Variants in GLG1 observed in about 807,000 individuals in gnomAD.
GLG1 encodes golgi glycoprotein 1.
In GLG1, 38 loss-of-function variants were observed where a neutral mutation model predicts 160.5. The observed-to-expected ratio is 0.24, with a 90% CI of 0.18 to 0.31. The LOEUF (loss-of-function observed/expected upper bound fraction) is 0.31, where lower values mean the gene tolerates loss of function less well. Among genes scored for constraint, GLG1 ranks in the 10% least tolerant of loss-of-function variants. GLG1 has a pLI of 1.00. For synonymous variants in GLG1, 644 were observed against 543.4 expected, an observed-to-expected ratio of 1.19 and a Z score of -2.57; for missense variants, 1,373 against 1,505.2, an observed-to-expected ratio of 0.91 and a Z score of 1.45.
At chr16:74,534,318 C>T (rs2017627158) in intron 1 of GLG1, among the ~76,000 whole-genome samples, 1 of 152,124 alleles carries the variant, frequency 6.6e-6, no homozygotes, top group South Asian at 2.1e-4. Context: ...TACAAGAATG[C>T]TTTTTCTTAG....
intron 1 of GLG1, among the ~76,000 whole-genome samples, chr16:74,538,324 G>T (rs1168629199): frequency 6.6e-6 from 1 of 151,680 alleles, no homozygotes; most frequent in Non-Finnish European, 1.5e-5. Flanking sequence ...TATTCATTAA[G>T]AACCCAGTAA....
At chr16:74,560,927 T>C (rs1392477819) in intron 1 of GLG1, among the ~76,000 whole-genome samples, 4 of 151,038 alleles carry the variant, frequency 2.6e-5, no homozygotes, top group Non-Finnish European at 5.9e-5. Context: ...AGGAAAGCTA[T>C]AAAGGCATAA....
At chr16:74,536,718 G>A (rs1278669276) in intron 1 of GLG1, among the ~76,000 whole-genome samples, 1 of 152,148 alleles carries the variant, frequency 6.6e-6, no homozygotes, top group Non-Finnish European at 1.5e-5. Flanking sequence ...TTTTTATAAT[G>A]CATATAACAT....
intron 2 of GLG1, among the ~76,000 whole-genome samples, chr16:74,517,769 T>C (rs1293718658): frequency 6.6e-6 from 1 of 152,180 alleles, no homozygotes; most frequent in East Asian, 1.9e-4. Context: ...TGTCCCTCTT[T>C]GTAGATGACA....
At chr16:74,464,976 C>CT (rs1012659620) in intron 19 of GLG1, among the ~76,000 whole-genome samples, 1 of 152,132 alleles carries the variant, frequency 6.6e-6, no homozygotes, top group African/African-American at 2.4e-5. Flanking sequence ...ATAGCTGGGA[C>CT]TACAGGCATG....
intron 3 of GLG1, among the ~76,000 whole-genome samples, chr16:74,506,875 GA>G (rs2016632046): frequency 6.6e-6 from 1 of 152,108 alleles, no homozygotes; most frequent in Admixed American, 6.6e-5. Context: ...ACATATTTAA[GA>G]ATAGGAGTAA....
At chr16:74,511,587 A>T (rs1301007706) in intron 2 of GLG1, among the ~76,000 whole-genome samples, 1 of 81,518 alleles carries the variant, frequency 1.2e-5, no homozygotes, top group Admixed American at 1.2e-4. Context: ...TTTTTTTTTA[A>T]AAAAAAAAAA....
intron 1 of GLG1, among the ~76,000 whole-genome samples, chr16:74,579,897 T>A (rs1957900906): frequency 6.6e-6 from 1 of 151,472 alleles, no homozygotes; most frequent in Non-Finnish European, 1.5e-5. Context: ...ACCCCGTCTC[T>A]ACTAAAAATA....
At chr16:74,589,418 C>T (rs939400343) in intron 1 of GLG1, among the ~76,000 whole-genome samples, 4 of 152,104 alleles carry the variant, frequency 2.6e-5, no homozygotes, top group Non-Finnish European at 5.9e-5. Context: ...AGAGAAGCAG[C>T]GGGCTGTGCT....
At chr16:74,599,443 A>G (rs1200617159) in intron 1 of GLG1, among the ~76,000 whole-genome samples, 1 of 152,144 alleles carries the variant, frequency 6.6e-6, no homozygotes, top group Non-Finnish European at 1.5e-5. Context: ...CAAGGCCAGG[A>G]GCGGTGGCTC....
At chr16:74,461,997 C>A (rs1217938560) in intron 22 of GLG1, 97 bp downstream of exon 22, 5 of 666,250 alleles carry the variant, frequency 7.5e-6, no homozygotes, top group Non-Finnish European at 1.1e-5. Context: ...TTCACCAGAT[C>A]ATTCACGGCT....
intron 17 of GLG1, 177 bp from the exon 18 acceptor site, chr16:74,468,025 T>C (rs961647411): frequency 1.2e-5 from 7 of 570,478 alleles, no homozygotes; most frequent in African/African-American, 5.7e-5. Context: ...AATAGCTGCA[T>C]GGCCTTGGAC....
intron 1 of GLG1, among the ~76,000 whole-genome samples, chr16:74,576,002 C>A (rs1388442870): frequency 6.6e-6 from 1 of 152,046 alleles, no homozygotes; most frequent in Non-Finnish European, 1.5e-5. Context: ...GAGTTTGACA[C>A]CAGTCTGGCC....
chr16:74,607,095 C>G lies in GLG1; in HGVS notation c.-1G>C, dbSNP rs1597394731. ...TCCGTACACGTCCACACGCCGCCAT[C>G]TTGAGTCCGCGGCGAGCTCGACGCA... On this transcript the variant is annotated 5_prime_UTR_variant, in exon 1 of 26. Transcript: ENST00000422840. 4 of 1,531,594 alleles carry G rather than the reference C, an allele frequency of 2.6e-6. No individual in the cohort carries two copies. The highest frequency in any genetic ancestry group is 2.4e-5 in the East Asian group (1 of 41,220). The allele number at this position is 1,531,594 out of a possible 1,614,324, so 94.9% of individuals were successfully genotyped here.
chr16:74,598,899 T>C (rs1473418798), intron 1 of GLG1, among the ~76,000 whole-genome samples: 1 of 151,094 alleles, frequency 6.6e-6, no homozygotes, highest in Non-Finnish European at 1.5e-5. Context: ...CAACAACAAA[T>C]ATATAAATAT....
intron 1 of GLG1, among the ~76,000 whole-genome samples, chr16:74,601,593 C>A (rs1958441241): frequency 6.6e-6 from 1 of 152,118 alleles, no homozygotes; most frequent in Non-Finnish European, 1.5e-5. Flanking sequence ...CAACTAAATG[C>A]TTCCAGTGTT....
At position 74,575,831 on chromosome 16, in the gene GLG1, A is replaced by G. The variant is rs752019178; in HGVS notation, c.438+30826T>C. On this transcript the variant is annotated intron_variant, in intron 1 of 25. Transcript: ENST00000422840. ...TCAAATTCATCACCAACAAAAAAGC[A>G]GTATCACGAAACCATATACAACCAA... Among the ~76,000 whole-genome samples the G allele has an allele frequency of 1.3e-3, 194 of 152,364 alleles. No homozygotes were observed. The Middle Eastern group carries it at 0.02, about 16-fold the overall frequency.
rs896031808 is a variant in GLG1 at position 74,449,511 on chromosome 16, C to A, written c.*3656G>T. ...CCATTAGATTCTTCTGTTAGTTGAT[C>A]TCAGGAAACAGAAACAAATGAAATC... On this transcript the variant is annotated 3_prime_UTR_variant, in exon 26 of 26. Transcript: ENST00000422840. 7 of 152,206 alleles carry A rather than the reference C, an allele frequency of 4.6e-5. No individual in the cohort carries two copies. Among genetic ancestry groups the A allele is most frequent in the African/African-American group, 1.2e-4 (5 of 41,460 alleles). The allele number at this position is 152,206 out of a possible 1,614,324, so 9.4% of individuals were successfully genotyped here.
intron 1 of GLG1, among the ~76,000 whole-genome samples, chr16:74,557,363 T>C (rs965417575): frequency 2.0e-5 from 3 of 152,202 alleles, no homozygotes; most frequent in Non-Finnish European, 2.9e-5. Flanking sequence ...TAGAGGTCTT[T>C]AGATAGCAAA....
Sources: allele counts gnomAD v4.1 joint callset (sites outside exome capture counted in the v4.1 genomes callset), GRCh38; gene constraint gnomAD v4.1.1; transcripts MANE v1.5; gene names NCBI Gene and HGNC (gene_info 2026-07-23, HGNC 2026-07-21).